Variants in LTC4S observed in about 807,000 individuals in gnomAD.
LTC4S encodes the protein LTC4 synthase.
In LTC4S, 18 loss-of-function variants were observed where a neutral mutation model predicts 19.6. The observed-to-expected ratio is 0.92, with a 90% CI of 0.64 to 1.36. The LOEUF (loss-of-function observed/expected upper bound fraction) is 1.36. Ranked by LOEUF, LTC4S falls within the 40% of genes most tolerant of loss-of-function variation. LTC4S has a pLI of 0.00. For synonymous variants in LTC4S, 126 were observed against 110.1 expected, an observed-to-expected ratio of 1.14 and a Z score of -0.91; for missense variants, 235 against 212.2, an observed-to-expected ratio of 1.11 and a Z score of -0.67.
At position 179,796,544 on chromosome 5, in the gene LTC4S, G is replaced by A; in HGVS notation, c.*150G>A. 8.4e-7 allele frequency: 1 copy of A among 1,195,636 alleles called. No individual in the cohort carries two copies. Among genetic ancestry groups the A allele is most frequent in the African/African-American group, 1.6e-5 (1 of 62,242 alleles). 74.1% of individuals were successfully genotyped at this position (1,195,636 alleles called of 1,614,324 possible). A position where few individuals can be genotyped will look rare whatever the true frequency, so the allele number is the denominator to read the frequency against. ...CTGCGTTCTCTGGGTCCGCGGGGGTGGCGCACCGCGGGCTACGGAGCCTGG... is the reference window on the plus strand; with the variant it reads ...CTGCGTTCTCTGGGTCCGCGGGGGTAGCGCACCGCGGGCTACGGAGCCTGG... On this transcript the variant is annotated 3_prime_UTR_variant, in exon 5 of 5. Coordinates refer to ENST00000292596, the MANE Select transcript of LTC4S (RefSeq NM_145867.2).
Position 179,796,350 on chromosome 5 carries a change from G to A in LTC4S, c.409G>A (p.Ala137Thr), listed in dbSNP as rs1220141245. 6.7e-7 allele frequency: 1 copy of A among 1,490,596 alleles called. No homozygotes were observed. Among genetic ancestry groups the A allele is most frequent in the South Asian group, 1.3e-5 (1 of 79,464 alleles). The allele number at this position is 1,490,596 out of a possible 1,614,324, so 92.3% of individuals were successfully genotyped here. A position where few individuals can be genotyped will look rare whatever the true frequency, so the allele number is the denominator to read the frequency against. ...CCACTTCCTCCCGGCCGCGCTGCGC[G>A]CCGCGCTCCTCGGACGGCTCCGGAC... ...LAHFLPAALR[A>T]ALLGRLRTLL... Residue 137 changes from alanine to threonine, a missense_variant, in exon 5 of 5, where the codon GCC (alanine) becomes ACC (threonine). Coordinates refer to ENST00000292596, the MANE Select transcript of LTC4S (RefSeq NM_145867.2).
At chr5:179,795,489 G>C (rs902568532) in intron 1 of LTC4S, 95 bp from the exon 2 acceptor site, 5 of 1,530,864 alleles carry the variant, frequency 3.3e-6, no homozygotes, top group Non-Finnish European at 4.4e-6. Flanking sequence ...GAGAGGACAC[G>C]GCCAAGTGAA....
chr5:179,795,304 G>A (rs1756567886), intron 1 of LTC4S: 1 of 1,198,072 alleles, frequency 8.3e-7, no homozygotes, highest in Non-Finnish European at 1.1e-6. Flanking sequence ...AGGTGTCCCT[G>A]TGCCTGAATC....
At position 179,795,924 on chromosome 5, in the gene LTC4S, G is replaced by T. The variant is rs370014304; in HGVS notation, c.230-17G>T. 3.7e-5 allele frequency: 59 copies of T among 1,577,444 alleles called. No homozygotes were observed. Among genetic ancestry groups the T allele is most frequent in the Non-Finnish European group, 4.4e-5 (51 of 1,166,258 alleles). ...CCCGCGCAGGGCGCTCACCAGGCCCGTGCGTACCTCTCGCAGGGGCGGCGG... is the reference window on the plus strand; with the variant it reads ...CCCGCGCAGGGCGCTCACCAGGCCCTTGCGTACCTCTCGCAGGGGCGGCGG... On this transcript the variant is annotated splice_polypyrimidine_tract_variant and intron_variant, in intron 3 of 4. Transcript: ENST00000292596.
chr5:179,796,414 A>G lies in LTC4S; in HGVS notation c.*20A>G. 1 of 1,477,626 alleles carries G rather than the reference A, an allele frequency of 6.8e-7. No individual in the cohort carries two copies. 91.5% of individuals were successfully genotyped at this position (1,477,626 alleles called of 1,614,324 possible). A position where few individuals can be genotyped will look rare whatever the true frequency, so the allele number is the denominator to read the frequency against. On this transcript the variant is annotated 3_prime_UTR_variant, in exon 5 of 5. Coordinates refer to ENST00000292596, the MANE Select transcript of LTC4S (RefSeq NM_145867.2). The stretch of plus-strand genomic sequence containing the variant: ...GCCTGAGACCAAGGCCCCCGGGCCG[A>G]CGGAGCCGGGAAAGAAGAGCCGGAG...
rs747571082 is a variant in LTC4S, at chr5:179,796,003, G to C, written c.292G>C (p.Ala98Pro). 25 of 1,532,806 alleles carry C rather than the reference G, an allele frequency of 1.6e-5. No homozygotes were observed. In the South Asian group the frequency reaches 3.0e-4, roughly 18 times the overall value. The allele number at this position is 1,532,806 out of a possible 1,614,324, so 95.0% of individuals were successfully genotyped here. A position where few individuals can be genotyped will look rare whatever the true frequency, so the allele number is the denominator to read the frequency against. Residue 98 changes from alanine (A) to proline (P), a missense_variant, in exon 4 of 5, where the codon GCG (alanine) becomes CCG (proline). By Grantham distance (27) the Ala-to-Pro change is conservative. Coordinates refer to ENST00000292596, the MANE Select transcript of LTC4S (RefSeq NM_145867.2). ...FARLRYFQGY[A>P]RSAQLRLAPL... ...GCGCCTCCGCTACTTCCAGGGCTAC[G>C]CGCGCTCCGCGCAGCTCAGGTGAGG...
intron 1 of LTC4S, among the ~76,000 whole-genome samples, chr5:179,794,875 G>T (rs898361370): frequency 1.3e-5 from 2 of 152,242 alleles, no homozygotes; most frequent in African/African-American, 4.8e-5. Flanking sequence ...CCTGCCCACA[G>T]AGAAACTTTA....
Position 179,795,998 on chromosome 5 carries a change from G to C in LTC4S, c.287G>C (p.Gly96Ala). The C allele has an allele frequency of 6.5e-7, 1 of 1,534,138 alleles. No individual in the cohort carries two copies. Among genetic ancestry groups the C allele is most frequent in the Non-Finnish European group, 8.7e-7 (1 of 1,146,412 alleles). ...YLFARLRYFQGYARSAQLRLA... is the reference protein window; with the variant it reads ...YLFARLRYFQAYARSAQLRLA... ...TTCGCGCGCCTCCGCTACTTCCAGG[G>C]CTACGCGCGCTCCGCGCAGCTCAGG... Residue 96 changes from glycine to alanine, a missense_variant, in exon 4 of 5, where the codon GGC becomes GCC. Gly to Ala is a moderately conservative substitution (Grantham distance 60). Coordinates refer to ENST00000292596, the MANE Select transcript of LTC4S (RefSeq NM_145867.2).
intron 4 of LTC4S, 81 bp downstream of exon 4, chr5:179,796,103 G>GGGGGCGGGCGAC: frequency 7.5e-7 from 1 of 1,335,464 alleles, no homozygotes; most frequent in South Asian, 1.5e-5. Context: ...GACCGAAGCT[G>GGGGGCGGGCGAC]GGGGCGGGCG....
In LTC4S at chr5:179,795,721, C is replaced by T. The variant is rs767519213; in HGVS notation, c.158+38C>T. ...GGGAGGGCGCGGGGCGGGGAGCGAG[C>T]CCCAGGCGGGTCCGGGTCGCAGGAC... On this transcript the variant is annotated intron_variant, in intron 2 of 4. Transcript: ENST00000292596. 9 of 1,566,618 alleles carry T rather than the reference C, an allele frequency of 5.7e-6. No homozygotes were observed. The East Asian group carries it at 1.6e-4, about 29-fold the overall frequency.
At position 179,796,557 on chromosome 5, in the gene LTC4S, C is replaced by G; in HGVS notation, c.*163C>G. ...GTCCGCGGGGGTGGCGCACCGCGGG[C>G]TACGGAGCCTGGAGGGGCCCAGCCC... On this transcript the variant is annotated 3_prime_UTR_variant, in exon 5 of 5. Transcript: ENST00000292596. 8.7e-7 allele frequency: 1 copy of G among 1,155,956 alleles called. No homozygotes were observed. Among genetic ancestry groups the G allele is most frequent in the South Asian group, 2.3e-5 (1 of 44,362 alleles). 71.6% of individuals were successfully genotyped at this position (1,155,956 alleles called of 1,614,324 possible). A position where few individuals can be genotyped will look rare whatever the true frequency, so the allele number is the denominator to read the frequency against.
In LTC4S at chr5:179,796,375, CG is replaced by C; in HGVS notation, c.435del (p.Leu146CysfsTer35). ...GCCGCGCTCCTCGGACGGCTCCGGA[CG>C]CTGCTGCCGTGGGCCTGAGACCAAG... ...LRAALLGRLR[T>X]LLPWA On this transcript the variant is annotated frameshift_variant, in exon 5 of 5. Coordinates refer to ENST00000292596, the MANE Select transcript of LTC4S (RefSeq NM_145867.2). LOFTEE classifies it high-confidence loss of function. 1 of 1,496,472 alleles carries C rather than the reference CG, an allele frequency of 6.7e-7. No homozygotes were observed. Among genetic ancestry groups the C allele is most frequent in the East Asian group, 2.8e-5 (1 of 36,264 alleles). 92.7% of individuals were successfully genotyped at this position (1,496,472 alleles called of 1,614,324 possible).
chr5:179,795,934 C>T lies in LTC4S; in HGVS notation c.230-7C>T. 1.9e-6 allele frequency: 3 copies of T among 1,570,120 alleles called. No individual in the cohort carries two copies. Among genetic ancestry groups the T allele is most frequent in the Non-Finnish European group, 2.6e-6 (3 of 1,163,012 alleles). ...GCGCTCACCAGGCCCGTGCGTACCT[C>T]TCGCAGGGGCGGCGGCCCTGTGCGG... On this transcript the variant is annotated splice_polypyrimidine_tract_variant and splice_region_variant and intron_variant, in intron 3 of 4. Transcript: ENST00000292596.
At chr5:179,795,733 C>G (rs753710336) in intron 2 of LTC4S, 50 bp downstream of exon 2, 3 of 1,564,562 alleles carry the variant, frequency 1.9e-6, no homozygotes, top group Non-Finnish European at 2.6e-6. Flanking sequence ...CCAGGCGGGT[C>G]CGGGTCGCAG....
In LTC4S at chr5:179,794,025, T is replaced by C; in HGVS notation, c.-56T>C. The C allele has an allele frequency of 1.2e-6, 2 of 1,612,652 alleles. No homozygotes were observed. The highest frequency in any genetic ancestry group is 1.7e-6 in the Non-Finnish European group (2 of 1,179,574). On this transcript the variant is annotated 5_prime_UTR_variant, in exon 1 of 5. Coordinates refer to ENST00000292596, the MANE Select transcript of LTC4S (RefSeq NM_145867.2). ...CCGTCCTCTGAGCAGCAGACGGGGC[T>C]AAGCGTTCCCCAGCTCGCCTTCACA...
Position 179,794,055 on chromosome 5 carries a change from G to GC in LTC4S, c.-23dup. 1 of 1,613,490 alleles carries GC rather than the reference G, an allele frequency of 6.2e-7. No homozygotes were observed. On this transcript the variant is annotated 5_prime_UTR_variant, in exon 1 of 5. Transcript: ENST00000292596. ...GTTCCCCAGCTCGCCTTCACACACA[G>GC]CCCGTGCCACCACACCGACGGTACC...
At chr5:179,794,162 G>A in intron 1 of LTC4S, 24 bp downstream of exon 1, 1 of 1,613,110 alleles carries the variant, frequency 6.2e-7, no homozygotes, top group South Asian at 1.1e-5. Flanking sequence ...TATCTAGGAA[G>A]AGGGTGGGCC....
chr5:179,795,007 G>A (rs1048259873), intron 1 of LTC4S, among the ~76,000 whole-genome samples: 3 of 152,284 alleles, frequency 2.0e-5, no homozygotes, highest in East Asian at 1.9e-4. Context: ...GCCTGGGACC[G>A]GAATGCAGGA....
At chr5:179,795,449 G>A in intron 1 of LTC4S, 135 bp from the exon 2 acceptor site, 1 of 1,491,434 alleles carries the variant, frequency 6.7e-7, no homozygotes, top group Non-Finnish European at 8.9e-7. Context: ...CTCCTCGGGC[G>A]GGGAGGGGGC....
Sources: allele counts gnomAD v4.1 joint callset (sites outside exome capture counted in the v4.1 genomes callset), GRCh38; gene constraint gnomAD v4.1.1; transcripts MANE v1.5; gene names NCBI Gene and HGNC (gene_info 2026-07-23, HGNC 2026-07-21).